F9: variants seen among roughly 807,000 people sequenced by gnomAD.
F9 encodes Christmas factor.
Under a neutral mutation model 34.1 loss-of-function variants are expected in F9, and 2 were observed. The observed-to-expected ratio is 0.06, with a 90% CI of 0.02 to 0.18. The LOEUF (loss-of-function observed/expected upper bound fraction) is 0.18, where lower values mean the gene tolerates loss of function less well. Among genes scored for constraint, F9 ranks in the 10% least tolerant of loss-of-function variants. F9 has a pLI of 1.00. For synonymous variants in F9, 137 were observed against 118.8 expected (o/e 1.15, Z -1.00); for missense variants, 216 against 345.1 (o/e 0.63, Z 2.96).
intron 3 of F9, among the ~76,000 whole-genome samples, chrX:139,540,157 T>C (rs1342187779): frequency 9.0e-6 from 1 of 111,548 alleles, no homozygotes; most frequent in African/African-American, 3.3e-5. Context: ...TCTGGTTCTA[T>C]TCATCCTTCT....
At chrX:139,549,910 C>T (rs1197950928) in intron 5 of F9, among the ~76,000 whole-genome samples, 1 of 112,046 alleles carries the variant, frequency 8.9e-6, no homozygotes, top group Non-Finnish European at 1.9e-5. Flanking sequence ...CCCACTTGTT[C>T]TTCTGCCTGG....
At chrX:139,532,672 GA>G (rs1191946929) in intron 1 of F9, among the ~76,000 whole-genome samples, 2 of 111,717 alleles carry the variant, frequency 1.8e-5, no homozygotes, top group Non-Finnish European at 3.8e-5. Flanking sequence ...ATTAAATGGG[GA>G]AACAATTGAT....
intron 1 of F9, among the ~76,000 whole-genome samples, chrX:139,531,501 G>A (rs1195866516): frequency 8.9e-6 from 1 of 112,048 alleles, no homozygotes; most frequent in East Asian, 2.8e-4. Flanking sequence ...TTGATATTTG[G>A]GGAAACACAA....
At chrX:139,540,077 T>A (rs757791992) in intron 3 of F9, among the ~76,000 whole-genome samples, 2 of 111,212 alleles carry the variant, frequency 1.8e-5, no homozygotes, top group South Asian at 3.8e-4. Context: ...ATATATTGAG[T>A]CTTACAGATC....
rs970024545 is a variant in F9 at position 139,544,647 on chromosome X, G to A, written c.391+3458G>A. On this transcript the variant is annotated intron_variant, in intron 4 of 7. Transcript: ENST00000218099. ...TAGCCTGTGTTCCCCCAGAAAAAAAGTCACAAGCTTATTTATTAACATGTG... is the reference window on the plus strand; with the variant it reads ...TAGCCTGTGTTCCCCCAGAAAAAAAATCACAAGCTTATTTATTAACATGTG... 2.7e-5 allele frequency: 3 copies of A among 111,734 alleles called. No homozygotes were observed. In the Admixed American group the frequency reaches 2.9e-4, roughly 11 times the overall value. 9.2% of individuals were successfully genotyped at this position (111,734 alleles called of 1,213,427 possible).
At chrX:139,541,422 T>C (rs950943647) in intron 4 of F9, among the ~76,000 whole-genome samples, 22 of 112,001 alleles carry the variant, frequency 2.0e-4, no homozygotes, top group Admixed American at 1.8e-3. Context: ...CACTCACTTA[T>C]TAATCTTTAA....
chrX:139,537,587 T>C (rs746565834), intron 3 of F9, among the ~76,000 whole-genome samples: 22 of 110,865 alleles, frequency 2.0e-4, no homozygotes, highest in Non-Finnish European at 3.8e-4. Flanking sequence ...ATAAGTTTAA[T>C]CCTCCCTAGG....
At chrX:139,548,264 C>A in intron 4 of F9, 99 bp from the exon 5 acceptor site, 1 of 950,483 alleles carries the variant, frequency 1.1e-6, no homozygotes, top group Non-Finnish European at 1.5e-6. Flanking sequence ...CATGAATGCC[C>A]CCAATGTATA....
At chrX:139,555,439 G>A (rs986736055) in intron 6 of F9, among the ~76,000 whole-genome samples, 3 of 112,986 alleles carry the variant, frequency 2.7e-5, no homozygotes, top group Non-Finnish European at 3.7e-5. Flanking sequence ...CCTTGTTCGC[G>A]ATGGTAGCTT....
chrX:139,551,147 A>C lies in F9; in HGVS notation c.606A>C (p.Val202=), dbSNP rs779378056. The change falls in exon 6 of 8, where the codon GTA becomes GTC. Residue 202 remains valine, a synonymous_variant. Transcript: ENST00000218099. ...AETVFPDVDY[V]NSTEAETILD... ...CTGTTTTTCCTGATGTGGACTATGT[A>C]AATTCTACTGAAGCTGAAACCATTT... 1 of 1,211,071 alleles carries C rather than the reference A, an allele frequency of 8.3e-7. No homozygotes were observed. The highest frequency in any genetic ancestry group is 2.2e-5 in the Admixed American group (1 of 46,063).
intron 6 of F9, among the ~76,000 whole-genome samples, chrX:139,553,841 A>AT (rs34129215): frequency 0.13 from 12,135 of 92,429 alleles, 953 homozygotes; most frequent in Non-Finnish European, 0.2. Flanking sequence ...AAAGTCCAAG[A>AT]TTAAAAAAAA....
At chrX:139,553,998 AC>A (rs1420736026) in intron 6 of F9, among the ~76,000 whole-genome samples, 1 of 109,133 alleles carries the variant, frequency 9.2e-6, no homozygotes, top group Non-Finnish European at 1.9e-5. Flanking sequence ...TTTCTCACCC[AC>A]CCCCTTTAAA....
intron 6 of F9, among the ~76,000 whole-genome samples, chrX:139,552,588 G>T (rs1927870895): frequency 8.9e-6 from 1 of 111,873 alleles, no homozygotes; most frequent in South Asian, 3.7e-4. Context: ...ACAATTAAGA[G>T]AAATTAAAAA....
At chrX:139,557,818 G>A (rs1368675636) in intron 6 of F9, among the ~76,000 whole-genome samples, 1 of 112,728 alleles carries the variant, frequency 8.9e-6, no homozygotes, top group Non-Finnish European at 1.9e-5. Context: ...GAGACAGGTC[G>A]TGCATCTGAG....
chrX:139,551,371 G>T (rs1053458512), intron 6 of F9, 107 bp downstream of exon 6: 88 of 714,152 alleles, frequency 1.2e-4, no homozygotes, highest in Non-Finnish European at 1.8e-4. Flanking sequence ...GATGTGAGAA[G>T]TATTTAGGCA....
intron 6 of F9, among the ~76,000 whole-genome samples, chrX:139,560,198 A>G (rs2148366992): frequency 8.9e-6 from 1 of 112,172 alleles, no homozygotes; most frequent in East Asian, 2.8e-4. Context: ...GATGGCTATA[A>G]GCACAGCCCT....
intron 6 of F9, among the ~76,000 whole-genome samples, chrX:139,559,571 G>T (rs1461350208): frequency 9.0e-6 from 1 of 111,314 alleles, no homozygotes; most frequent in Non-Finnish European, 1.9e-5. Context: ...GAAAAAGGAA[G>T]TCAGAGCCCT....
At position 139,562,187 on chromosome X, in the gene F9, GC is replaced by G. The variant is rs1290973320; in HGVS notation, c.*117del. 9.0e-6 allele frequency: 6 copies of G among 668,021 alleles called. No individual in the cohort carries two copies. In the Admixed American group the frequency reaches 1.5e-4, roughly 16 times the overall value. The allele number at this position is 668,021 out of a possible 1,213,427, so 55.1% of individuals were successfully genotyped here. On this transcript the variant is annotated 3_prime_UTR_variant, in exon 8 of 8. Coordinates refer to ENST00000218099, the MANE Select transcript of F9 (RefSeq NM_000133.4). ...TGAATATATACATTCTATGATCATT[GC>G]TTTTTCTCTTTACAGGGGAGAATTT...
intron 1 of F9, among the ~76,000 whole-genome samples, chrX:139,531,893 A>G (rs953808969): frequency 6.2e-5 from 7 of 112,684 alleles, no homozygotes; most frequent in Non-Finnish European, 1.3e-4. Context: ...TTAAACTAGC[A>G]AAGTGAGTAA....
Sources: allele counts gnomAD v4.1 joint callset (sites outside exome capture counted in the v4.1 genomes callset), GRCh38; gene constraint gnomAD v4.1.1; transcripts MANE v1.5; gene names NCBI Gene and HGNC (gene_info 2026-07-23, HGNC 2026-07-21).